The following CDH12 variants were observed in gnomAD, a reference collection of about 807,000 sequenced individuals.
The protein encoded by CDH12 is cadherin 12.
CDH12 carries 41 observed loss-of-function variants against 74.1 expected under a neutral mutation model. The ratio of observed to expected loss-of-function variants is 0.55; its 90% CI spans 0.43 to 0.72. The LOEUF (loss-of-function observed/expected upper bound fraction) is 0.72, where lower values mean the gene tolerates loss of function less well. CDH12 is among the 30% of genes least tolerant of loss of function. The pLI is 0.00. For missense variants in CDH12, 945 were observed against 977.2 expected (o/e 0.97, Z 0.44); for synonymous variants, 399 against 355.0 (o/e 1.12, Z -1.39).
At chr5:22,194,975 G>C (rs1750539404) in intron 4 of CDH12, among the ~76,000 whole-genome samples, 1 of 152,146 alleles carries the variant, frequency 6.6e-6, no homozygotes, top group Non-Finnish European at 1.5e-5. Context: ...AAATGACTCA[G>C]GGGCAGCAAT....
intron 1 of CDH12, among the ~76,000 whole-genome samples, chr5:22,719,253 A>G (rs1371568396): frequency 6.6e-6 from 1 of 152,144 alleles, no homozygotes; most frequent in Non-Finnish European, 1.5e-5. Flanking sequence ...CCTGCTTGTT[A>G]CAAAGTATAG....
At chr5:22,460,881 T>A (rs1745482957) in intron 2 of CDH12, among the ~76,000 whole-genome samples, 1 of 150,746 alleles carries the variant, frequency 6.6e-6, no homozygotes, top group Admixed American at 6.6e-5. Context: ...CCACCACACC[T>A]GGCTAGTATT....
intron 1 of CDH12, among the ~76,000 whole-genome samples, chr5:22,510,598 T>G (rs995307502): frequency 2.6e-5 from 4 of 152,186 alleles, no homozygotes; most frequent in African/African-American, 9.6e-5. Context: ...GACGCTCAAG[T>G]CTTTTATGTA....
intron 2 of CDH12, among the ~76,000 whole-genome samples, chr5:22,501,773 G>T (rs192352239): frequency 6.1e-4 from 91 of 149,326 alleles, no homozygotes; most frequent in Non-Finnish European, 1.1e-3. Context: ...AGATGGCTCT[G>T]CAATTCATTT....
At chr5:22,208,732 C>T (rs879162230) in intron 4 of CDH12, among the ~76,000 whole-genome samples, 4 of 152,036 alleles carry the variant, frequency 2.6e-5, no homozygotes, top group Admixed American at 6.5e-5. Flanking sequence ...AAATCTACTG[C>T]GGCCAGTAGA....
chr5:22,836,880 G>T (rs1244027899), intron 1 of CDH12, among the ~76,000 whole-genome samples: 1 of 152,118 alleles, frequency 6.6e-6, no homozygotes, highest in Non-Finnish European at 1.5e-5. Flanking sequence ...TTCATTTTCT[G>T]AAATTTCTTA....
chr5:22,231,083 T>TA, intron 3 of CDH12, among the ~76,000 whole-genome samples: 1 of 152,290 alleles, frequency 6.6e-6, no homozygotes, highest in South Asian at 2.1e-4. Flanking sequence ...GCAATTGTAT[T>TA]AAAAAATAGA....
intron 1 of CDH12, among the ~76,000 whole-genome samples, chr5:22,629,748 A>G (rs1319061329): frequency 1.3e-5 from 2 of 152,142 alleles, no homozygotes; most frequent in African/African-American, 4.8e-5. Flanking sequence ...GTAGTACTGG[A>G]AATCCTAGTC....
intron 1 of CDH12, among the ~76,000 whole-genome samples, chr5:22,784,571 T>G (rs529621574): frequency 9.2e-5 from 14 of 152,158 alleles, no homozygotes; most frequent in Non-Finnish European, 1.3e-4. Flanking sequence ...CTACTAAAAT[T>G]GTTCTAGTTA....
At chr5:22,607,352 C>G (rs189869640) in intron 1 of CDH12, among the ~76,000 whole-genome samples, 1 of 152,092 alleles carries the variant, frequency 6.6e-6, no homozygotes, top group South Asian at 2.1e-4. Flanking sequence ...TAAAGACATA[C>G]CCAACACTGG....
In CDH12 at chr5:21,802,247, C is replaced by T. The variant is rs144416688; in HGVS notation, c.1176G>A (p.Glu392=). 2.5e-5 allele frequency: 40 copies of T among 1,613,776 alleles called. No homozygotes were observed. Among genetic ancestry groups the T allele is most frequent in the Non-Finnish European group, 3.3e-5 (39 of 1,179,950 alleles). Residue 392 remains glutamate (E), a synonymous_variant, in exon 10 of 15, where the codon GAG becomes GAA. Coordinates refer to ENST00000382254, the MANE Select transcript of CDH12 (RefSeq NM_004061.5). ...PVFSKPLYTM[E]VYEDTPVGTI... is the part of the protein sequence containing the mutation. ...TCCCTACCGGAGTGTCTTCATAAAC[C>T]TCCATGGTGTAGAGCGGCTTGCTGA...
At chr5:22,504,850 A>C (rs1422511915) in intron 2 of CDH12, among the ~76,000 whole-genome samples, 1 of 152,024 alleles carries the variant, frequency 6.6e-6, no homozygotes, top group Admixed American at 6.6e-5. Context: ...TTGAAATGAG[A>C]CGTATCCAAT....
At chr5:22,522,986 C>G (rs1362570465) in intron 1 of CDH12, among the ~76,000 whole-genome samples, 1 of 152,144 alleles carries the variant, frequency 6.6e-6, no homozygotes, top group East Asian at 1.9e-4. Flanking sequence ...CATCATACCT[C>G]ATGCACACGA....
rs1580569257 is a variant in CDH12 at position 22,365,709 on chromosome 5, C to A, written c.-333+39548G>T. 2.0e-5 allele frequency among the ~76,000 whole-genome samples: 3 copies of A among 152,166 alleles called. No individual in the cohort carries two copies. The South Asian group carries it at 6.2e-4, about 31-fold the overall frequency. On this transcript the variant is annotated intron_variant, in intron 3 of 14. Transcript: ENST00000382254. ...ACTGATCTGCAAAAACTCAACAACT[C>A]TTTGTAGCTATTGTTTTGAACGACT...
intron 1 of CDH12, among the ~76,000 whole-genome samples, chr5:22,802,749 G>C (rs1265118097): frequency 6.6e-6 from 1 of 152,096 alleles, no homozygotes; most frequent in African/African-American, 2.4e-5. Flanking sequence ...TAGTGTAAAT[G>C]ACAACCCCAA....
intron 3 of CDH12, among the ~76,000 whole-genome samples, chr5:22,378,949 T>C (rs1401198352): frequency 6.6e-6 from 1 of 152,164 alleles, no homozygotes; most frequent in Non-Finnish European, 1.5e-5. Context: ...CAGTGAATGT[T>C]GTATTCCATC....
chr5:21,996,076 G>A lies in CDH12; in HGVS notation c.232-20691C>T, dbSNP rs148653832. ...AGAATAATGAGATATTTGAGCAGTC[G>A]GCTCAGGTACTTATAAGTTCACACA... On this transcript the variant is annotated intron_variant, in intron 5 of 14. Coordinates refer to ENST00000382254, the MANE Select transcript of CDH12 (RefSeq NM_004061.5). Among the ~76,000 whole-genome samples, 244 of 149,968 alleles carry A rather than the reference G, an allele frequency of 1.6e-3. 1 individual carries two copies. The highest frequency in any genetic ancestry group is 5.8e-3 in the African/African-American group (237 of 40,984).
intron 1 of CDH12, among the ~76,000 whole-genome samples, chr5:22,533,580 A>C (rs1027526874): frequency 6.6e-6 from 1 of 152,160 alleles, no homozygotes; most frequent in Admixed American, 6.6e-5. Context: ...GTAAGTAATT[A>C]ATTCATTAAA....
At chr5:22,379,268 T>C (rs1381483703) in intron 3 of CDH12, among the ~76,000 whole-genome samples, 1 of 152,140 alleles carries the variant, frequency 6.6e-6, no homozygotes, top group Non-Finnish European at 1.5e-5. Context: ...AAAATTAAAG[T>C]TCAGTTACTC....
Sources: gnomAD v4.1 joint callset for allele counts (sites outside exome capture counted in the v4.1 genomes callset) on GRCh38, gnomAD v4.1.1 for gene constraint, MANE v1.5 for transcripts, NCBI Gene and HGNC (gene_info 2026-07-23, HGNC 2026-07-21) for gene names.